Variants in MYRIP observed in about 807,000 individuals in gnomAD.
MYRIP encodes the protein rab effector MyRIP.
In MYRIP, 49 loss-of-function variants were observed where a neutral mutation model predicts 98.0. That is an observed-to-expected ratio of 0.50 (90% CI 0.40 to 0.63). The LOEUF is 0.63. MYRIP is among the 30% of genes least tolerant of loss of function. The pLI is 0.00. For synonymous variants in MYRIP, 404 were observed against 409.5 expected, an observed-to-expected ratio of 0.99 and a Z score of 0.16; for missense variants, 1,004 against 1,058.2, an observed-to-expected ratio of 0.95 and a Z score of 0.71.
At chr3:40,206,804 AT>A (rs1951803013) in intron 10 of MYRIP, among the ~76,000 whole-genome samples, 6 of 152,194 alleles carry the variant, frequency 3.9e-5, no homozygotes. Flanking sequence ...AATCACAGCA[AT>A]TCTTCATAAT....
intron 3 of MYRIP, among the ~76,000 whole-genome samples, chr3:40,144,033 C>T (rs1434604298): frequency 6.6e-6 from 1 of 152,186 alleles, no homozygotes; most frequent in East Asian, 1.9e-4. Context: ...CGATGATGCA[C>T]TTGAAGTCTT....
At chr3:40,194,158 G>A (rs1575615739) in intron 10 of MYRIP, among the ~76,000 whole-genome samples, 1 of 151,932 alleles carries the variant, frequency 6.6e-6, no homozygotes, top group South Asian at 2.1e-4. Context: ...CAAGGGTTAA[G>A]GATTTTTTTT....
chr3:40,217,039 A>C (rs1952141856), intron 11 of MYRIP, among the ~76,000 whole-genome samples: 1 of 152,212 alleles, frequency 6.6e-6, no homozygotes, highest in Non-Finnish European at 1.5e-5. Context: ...GTTGTTAAAG[A>C]AGTAAATGAG....
chr3:40,236,302 A>G (rs1952822206), intron 12 of MYRIP, among the ~76,000 whole-genome samples: 1 of 152,202 alleles, frequency 6.6e-6, no homozygotes, highest in Admixed American at 6.5e-5. Context: ...TGCATTTCTA[A>G]TAATACATCC....
intron 10 of MYRIP, among the ~76,000 whole-genome samples, chr3:40,195,060 T>G (rs978781869): frequency 5.3e-5 from 8 of 152,230 alleles, no homozygotes; most frequent in African/African-American, 1.9e-4. Flanking sequence ...CATTGGTGAC[T>G]AATTATGCTA....
intron 1 of MYRIP, among the ~76,000 whole-genome samples, chr3:39,820,934 T>C (rs72866571): frequency 0.014 from 2,175 of 152,194 alleles, 58 homozygotes; most frequent in African/African-American, 0.049. Flanking sequence ...CCTGCCACCA[T>C]CCACTTTCTG....
At chr3:39,834,425 C>T (rs897696364) in intron 1 of MYRIP, among the ~76,000 whole-genome samples, 2 of 152,054 alleles carry the variant, frequency 1.3e-5, no homozygotes, top group Non-Finnish European at 2.9e-5. Context: ...AACACTTTGT[C>T]GATGTAACTA....
At chr3:39,997,833 A>T (rs1393658494) in intron 2 of MYRIP, among the ~76,000 whole-genome samples, 1 of 152,222 alleles carries the variant, frequency 6.6e-6, no homozygotes, top group Non-Finnish European at 1.5e-5. Context: ...AAGCTTATCC[A>T]CCGTGATCAA....
intron 10 of MYRIP, among the ~76,000 whole-genome samples, chr3:40,201,944 G>A (rs909562711): frequency 3.7e-4 from 56 of 152,168 alleles, no homozygotes; most frequent in African/African-American, 1.3e-3. Context: ...ATCAGCAGCA[G>A]AGTCCAGCAG....
chr3:40,192,723 G>A (rs61240565), intron 10 of MYRIP, among the ~76,000 whole-genome samples: 2,947 of 152,244 alleles, frequency 0.019, 102 homozygotes, highest in African/African-American at 0.067. Context: ...GGAGGATTAA[G>A]GAGAGGATTT....
At chr3:40,061,245 C>T (rs1186340104) in intron 3 of MYRIP, among the ~76,000 whole-genome samples, 1 of 152,190 alleles carries the variant, frequency 6.6e-6, no homozygotes, top group Non-Finnish European at 1.5e-5. Context: ...ACCCTCCACC[C>T]TCCAGTAGAC....
Position 40,043,141 on chromosome 3 carries a change from A to T in MYRIP, c.111-909A>T, listed in dbSNP as rs1011830845. Among the ~76,000 whole-genome samples, 3 of 152,236 alleles carry T rather than the reference A, an allele frequency of 2.0e-5. 1 individual carries two copies. Among genetic ancestry groups the T allele is most frequent in the African/African-American group, 7.2e-5 (3 of 41,468 alleles). ...AAGTGGGGGACTGTGTTTTTCTATT[A>T]TAATGATAGTGTGCAACAGTAGGAA... is the stretch of plus-strand genomic sequence containing the variant. On this transcript the variant is annotated intron_variant, in intron 2 of 16. Transcript: ENST00000302541.
intron 2 of MYRIP, among the ~76,000 whole-genome samples, chr3:39,918,075 C>A (rs12486617): frequency 6.6e-6 from 1 of 151,740 alleles, no homozygotes; most frequent in Non-Finnish European, 1.5e-5. Context: ...TACAGGCGCC[C>A]GCCACCACGC....
At chr3:40,214,027 C>T (rs984581262) in intron 11 of MYRIP, among the ~76,000 whole-genome samples, 3 of 152,188 alleles carry the variant, frequency 2.0e-5, no homozygotes, top group Admixed American at 6.6e-5. Context: ...GTTCCCTTTC[C>T]TGTCCCACTT....
At chr3:40,160,034 G>T (rs1180544885) in intron 4 of MYRIP, among the ~76,000 whole-genome samples, 1 of 152,178 alleles carries the variant, frequency 6.6e-6, no homozygotes, top group Admixed American at 6.5e-5. Flanking sequence ...TCCGTTGCTG[G>T]TGAGGAACTG....
chr3:39,813,649 G>T (rs1187192028), intron 1 of MYRIP, among the ~76,000 whole-genome samples: 1 of 152,228 alleles, frequency 6.6e-6, no homozygotes, highest in Non-Finnish European at 1.5e-5. Context: ...GCCGGAGGTG[G>T]AGGGGAGTCT....
chr3:39,917,800 A>T lies in MYRIP; in HGVS notation c.110+16874A>T, dbSNP rs535980804. Reference sequence around the variant, plus strand: ...TTCTCATGAAAAGATCTTCTTGACCAATCAGATCATTATAACTTAATGTTA... The same window carrying T: ...TTCTCATGAAAAGATCTTCTTGACCTATCAGATCATTATAACTTAATGTTA... On this transcript the variant is annotated intron_variant, in intron 2 of 16. Coordinates refer to ENST00000302541, the MANE Select transcript of MYRIP (RefSeq NM_015460.4). 1.4e-4 allele frequency among the ~76,000 whole-genome samples: 21 copies of T among 152,340 alleles called. 2 individuals are homozygous for T. The South Asian group carries it at 4.4e-3, about 32-fold the overall frequency.
intron 2 of MYRIP, among the ~76,000 whole-genome samples, chr3:39,939,107 G>A (rs529675699): frequency 1.5e-3 from 229 of 149,328 alleles, no homozygotes; most frequent in African/African-American, 5.4e-3. Context: ...TGTCATTTCC[G>A]GACCTTGGAA....
In MYRIP at chr3:40,170,520, A is replaced by T. The variant is rs183307239; in HGVS notation, c.873+427A>T. ...CTGTTTCAACCACCAAAATGGTCAC[A>T]TCTGGACACAGGAAGTCACAGTGTG... On this transcript the variant is annotated intron_variant, in intron 8 of 16. Transcript: ENST00000302541. Among the ~76,000 whole-genome samples, 185 of 152,334 alleles carry T rather than the reference A, an allele frequency of 1.2e-3. 1 individual carries two copies. Among genetic ancestry groups the T allele is most frequent in the Non-Finnish European group, 1.9e-3 (126 of 68,022 alleles).
Sources: gnomAD v4.1 joint callset for allele counts (sites outside exome capture counted in the v4.1 genomes callset) on GRCh38, gnomAD v4.1.1 for gene constraint, MANE v1.5 for transcripts, NCBI Gene and HGNC (gene_info 2026-07-23, HGNC 2026-07-21) for gene names.